Variants in PAK1 observed in about 807,000 individuals in gnomAD.
PAK1 encodes the protein p21 (RAC1) activated kinase 1, also known as serine/threonine-protein kinase PAK 1.
Under a neutral mutation model 67.4 loss-of-function variants are expected in PAK1, and 29 were observed. That is an observed-to-expected ratio of 0.43 (90% confidence interval 0.32 to 0.59). The LOEUF is 0.59. Among genes scored for constraint, PAK1 ranks in the 20% least tolerant of loss-of-function variants. The pLI, the probability that PAK1 is intolerant of heterozygous loss-of-function variation, is 0.07. For synonymous variants in PAK1, 223 were observed against 237.4 expected (o/e 0.94, Z 0.56); for missense variants, 337 against 670.7 (o/e 0.50, Z 5.50).
At chr11:77,511,753 C>A in the PAK1 span, among the ~76,000 whole-genome samples, 1 of 152,216 alleles carries the variant, frequency 6.6e-6, no homozygotes, top group South Asian at 2.1e-4. Context: ...CAGAAGTGTG[C>A]ATTTGATTAA....
intron 1 of PAK1, among the ~76,000 whole-genome samples, chr11:77,399,838 G>A (rs1209424564): frequency 1.3e-4 from 12 of 95,394 alleles, no homozygotes; most frequent in East Asian, 6.5e-4. Context: ...CAGCCTGGGC[G>A]ACAGAGCGAG....
At chr11:77,332,340 AG>A (rs140528687) in intron 14 of PAK1, among the ~76,000 whole-genome samples, 2 of 10,108 alleles carry the variant, frequency 2.0e-4, no homozygotes, top group African/African-American at 9.2e-4. Flanking sequence ...GAGAGGGAAG[AG>A]GGGGGGGAAA....
chr11:77,523,421 T>G, the PAK1 span, among the ~76,000 whole-genome samples: 1 of 104,154 alleles, frequency 9.6e-6, no homozygotes, highest in Non-Finnish European at 1.9e-5. Context: ...TGCTTTCTAC[T>G]TTTTTTTTTT....
At chr11:77,361,413 G>A (rs1031598672) in intron 5 of PAK1, among the ~76,000 whole-genome samples, 4 of 152,242 alleles carry the variant, frequency 2.6e-5, no homozygotes, top group African/African-American at 9.6e-5. Context: ...AACAAAGTTA[G>A]TAAGGGGAAG....
chr11:77,393,288 AGAG>A (rs1951393598), intron 1 of PAK1, among the ~76,000 whole-genome samples: 4 of 34,074 alleles, frequency 1.2e-4, no homozygotes, highest in African/African-American at 1.8e-4. Context: ...AAAAAAAAAG[AGAG>A]AGAGAGAGAG....
chr11:77,464,931 T>G (rs1267763733), intron 1 of PAK1, among the ~76,000 whole-genome samples: 3 of 152,108 alleles, frequency 2.0e-5, no homozygotes, highest in African/African-American at 7.2e-5. Context: ...GAAAAATCAT[T>G]AAGTTGAACC....
intron 1 of PAK1, among the ~76,000 whole-genome samples, chr11:77,461,578 C>A (rs952888035): frequency 1.7e-4 from 26 of 151,932 alleles, no homozygotes; most frequent in Admixed American, 3.3e-4. Flanking sequence ...GAGTAACATG[C>A]GGGAATGTGT....
chr11:77,489,666 G>C, the PAK1 span, among the ~76,000 whole-genome samples: 1 of 151,682 alleles, frequency 6.6e-6, no homozygotes, highest in Non-Finnish European at 1.5e-5. Context: ...GGCCGGGCTG[G>C]TCTCCAGCTC....
chr11:77,331,345 T>C (rs933903885), intron 14 of PAK1, among the ~76,000 whole-genome samples: 8 of 152,228 alleles, frequency 5.3e-5, no homozygotes, highest in Admixed American at 6.5e-5. Flanking sequence ...CGTATGTTTA[T>C]AGTGGCACTA....
At chr11:77,402,966 G>A (rs1453187926) in intron 1 of PAK1, among the ~76,000 whole-genome samples, 3 of 152,042 alleles carry the variant, frequency 2.0e-5, no homozygotes, top group African/African-American at 7.3e-5. Context: ...GGTGACTCTG[G>A]AACCCTTCCA....
chr11:77,516,175 C>T, the PAK1 span, among the ~76,000 whole-genome samples: 3 of 152,196 alleles, frequency 2.0e-5, no homozygotes. Flanking sequence ...TGTGTTAAGG[C>T]AGAAATTCAC....
chr11:77,446,201 C>T lies in PAK1; in HGVS notation c.-22+27351G>A, dbSNP rs1956592046. ...CTGTCTCTATGCTAGGCTGTGCTGGCCTATCCTTTATTAAGAAGCTCAGAC... is the reference window on the plus strand; with the variant it reads ...CTGTCTCTATGCTAGGCTGTGCTGGTCTATCCTTTATTAAGAAGCTCAGAC... On this transcript the variant is annotated intron_variant, in intron 1 of 14. Transcript: ENST00000356341. Among the ~76,000 whole-genome samples, 4 of 151,998 alleles carry T rather than the reference C, an allele frequency of 2.6e-5. No homozygotes were observed. The South Asian group carries it at 8.3e-4, about 32-fold the overall frequency.
At chr11:77,453,252 G>A (rs1007673565) in intron 1 of PAK1, among the ~76,000 whole-genome samples, 1 of 152,170 alleles carries the variant, frequency 6.6e-6, no homozygotes, top group Non-Finnish European at 1.5e-5. Context: ...TACTCAGGAG[G>A]CTGAGGCAGA....
the PAK1 span, among the ~76,000 whole-genome samples, chr11:77,514,378 C>G: frequency 1.3e-5 from 2 of 152,134 alleles, no homozygotes; most frequent in Admixed American, 1.3e-4. Flanking sequence ...ACCTGTAATC[C>G]CAGCTACTTG....
At position 77,349,171 on chromosome 11, in the gene PAK1, G is replaced by A. The variant is rs1944878221; in HGVS notation, c.885+68C>T. 1.6e-5 allele frequency: 19 copies of A among 1,176,418 alleles called. No individual in the cohort carries two copies. In the East Asian group the frequency reaches 4.3e-4, roughly 26 times the overall value. The allele number at this position is 1,176,418 out of a possible 1,614,324, so 72.9% of individuals were successfully genotyped here. A position where few individuals can be genotyped will look rare whatever the true frequency, so the allele number is the denominator to read the frequency against. On this transcript the variant is annotated intron_variant, in intron 9 of 14. Transcript: ENST00000356341. ...GAACTGTTCCTGTTGACCTAACAAG[G>A]GCTAAAAATTAATCCCAAATAAAAA...
chr11:77,348,037 A>G (rs891945918), intron 9 of PAK1, among the ~76,000 whole-genome samples: 3 of 152,190 alleles, frequency 2.0e-5, no homozygotes, highest in African/African-American at 7.2e-5. Context: ...AACTTGGCTT[A>G]CCCTAGGTGG....
intron 14 of PAK1, among the ~76,000 whole-genome samples, chr11:77,323,613 T>C (rs1342798058): frequency 1.3e-5 from 2 of 152,216 alleles, no homozygotes; most frequent in Admixed American, 6.5e-5. Flanking sequence ...AATTAGTTTG[T>C]ATAGCCACCA....
At chr11:77,370,557 G>T (rs1460900747) in intron 5 of PAK1, among the ~76,000 whole-genome samples, 1 of 152,100 alleles carries the variant, frequency 6.6e-6, no homozygotes, top group African/African-American at 2.4e-5. Context: ...TTTCTCTGGA[G>T]CTACTTTCAT....
At chr11:77,404,823 CAACA>C (rs1438830123) in intron 1 of PAK1, among the ~76,000 whole-genome samples, 3 of 152,188 alleles carry the variant, frequency 2.0e-5, no homozygotes, top group African/African-American at 4.8e-5. Context: ...TTCAGTCATT[CAACA>C]AACATTTATT....
Sources: allele counts gnomAD v4.1 joint callset (sites outside exome capture counted in the v4.1 genomes callset), GRCh38; gene constraint gnomAD v4.1.1; transcripts MANE v1.5; gene names NCBI Gene and HGNC (gene_info 2026-07-23, HGNC 2026-07-21).